SSBP3: variants seen among roughly 807,000 people sequenced by gnomAD.
SSBP3 encodes the protein single stranded DNA binding protein 3.
Under a neutral mutation model 69.6 loss-of-function variants are expected in SSBP3, and 5 were observed. That is an observed-to-expected ratio of 0.07 (90% CI 0.04 to 0.15). SSBP3 has a LOEUF of 0.15. Among genes scored for constraint, SSBP3 ranks in the 10% least tolerant of loss-of-function variants. The pLI, the probability that SSBP3 is intolerant of heterozygous loss-of-function variation, is 1.00. For synonymous variants in SSBP3, 196 were observed against 193.4 expected, an observed-to-expected ratio of 1.01 and a Z score of -0.11; for missense variants, 312 against 534.0, an observed-to-expected ratio of 0.58 and a Z score of 4.10.
At chr1:54,310,519 G>A (rs1000909285) in intron 4 of SSBP3, among the ~76,000 whole-genome samples, 4 of 152,172 alleles carry the variant, frequency 2.6e-5, no homozygotes, top group Non-Finnish European at 5.9e-5. Context: ...AGAGAAGAAA[G>A]TTTTCTACCC....
rs1644966321 is a variant in SSBP3 at position 54,258,714 on chromosome 1, A to T, written c.367-565T>A. Among the ~76,000 whole-genome samples, 3 of 152,148 alleles carry T rather than the reference A, an allele frequency of 2.0e-5. No individual in the cohort carries two copies. Among genetic ancestry groups the T allele is most frequent in the Admixed American group, 2.0e-4 (3 of 15,284 alleles). ...GGGGGCAGGAGGGCCGGGGGCACCGACAGATAAACAACAGAGGCAAGAGGA... is the reference window on the plus strand; with the variant it reads ...GGGGGCAGGAGGGCCGGGGGCACCGTCAGATAAACAACAGAGGCAAGAGGA... On this transcript the variant is annotated intron_variant, in intron 5 of 17. Transcript: ENST00000610401. The surrounding 1 kb of genome is among the most constrained non-coding windows in gnomAD (Gnocchi z 4.5).
intron 4 of SSBP3, among the ~76,000 whole-genome samples, chr1:54,308,381 C>T (rs1645937165): frequency 6.6e-6 from 1 of 151,968 alleles, no homozygotes; most frequent in Non-Finnish European, 1.5e-5. Context: ...GTGGGTGGAT[C>T]ATGAGGTCAG....
At chr1:54,289,776 C>T (rs1253815877) in intron 4 of SSBP3, among the ~76,000 whole-genome samples, 1 of 151,916 alleles carries the variant, frequency 6.6e-6, no homozygotes, top group African/African-American at 2.4e-5. Flanking sequence ...AGAGCAAATC[C>T]CTCTAGGACG....
At chr1:54,369,218 C>A (rs975218828) in intron 4 of SSBP3, among the ~76,000 whole-genome samples, 1 of 124,690 alleles carries the variant, frequency 8.0e-6, no homozygotes, top group Non-Finnish European at 1.6e-5. Flanking sequence ...CCTCTTGAGT[C>A]GGGGGGGGGG....
At chr1:54,305,631 A>C (rs1645885649) in intron 4 of SSBP3, among the ~76,000 whole-genome samples, 1 of 143,180 alleles carries the variant, frequency 7.0e-6, no homozygotes, top group Non-Finnish European at 1.5e-5. Flanking sequence ...AAAAAAAAAA[A>C]AAAGAGAGAG....
chr1:54,289,223 T>A (rs1645560821), intron 4 of SSBP3, among the ~76,000 whole-genome samples: 1 of 152,100 alleles, frequency 6.6e-6, no homozygotes, highest in Non-Finnish European at 1.5e-5. Flanking sequence ...TAGGCTGACC[T>A]TCTAGCTCTG....
intron 4 of SSBP3, among the ~76,000 whole-genome samples, chr1:54,361,504 G>A (rs1041547131): frequency 2.0e-5 from 3 of 152,148 alleles, no homozygotes; most frequent in African/African-American, 7.2e-5. Context: ...TGTGGGATAA[G>A]CAGAGAAACA....
At chr1:54,245,038 C>G (rs991634662) in intron 9 of SSBP3, among the ~76,000 whole-genome samples, 2 of 152,206 alleles carry the variant, frequency 1.3e-5, no homozygotes, top group Non-Finnish European at 2.9e-5. Flanking sequence ...GCACTCACTA[C>G]GCTGGCACTG....
intron 4 of SSBP3, among the ~76,000 whole-genome samples, chr1:54,387,460 A>G (rs927303933): frequency 6.6e-6 from 1 of 152,166 alleles, no homozygotes; most frequent in African/African-American, 2.4e-5. Flanking sequence ...GCCTTCTCGG[A>G]TTATTTTTCT....
At chr1:54,387,904 A>G (rs1648205318) in intron 4 of SSBP3, among the ~76,000 whole-genome samples, 1 of 152,128 alleles carries the variant, frequency 6.6e-6, no homozygotes, top group African/African-American at 2.4e-5. Flanking sequence ...AGCCTTCCCA[A>G]AAGTCCCTCT....
intron 4 of SSBP3, among the ~76,000 whole-genome samples, chr1:54,350,521 G>A (rs537136873): frequency 6.6e-6 from 1 of 152,242 alleles, no homozygotes; most frequent in African/African-American, 2.4e-5. Context: ...AGCCAAGAGA[G>A]ATTTATACGC....
At chr1:54,347,762 T>C (rs1344689894) in intron 4 of SSBP3, among the ~76,000 whole-genome samples, 1 of 152,180 alleles carries the variant, frequency 6.6e-6, no homozygotes, top group Non-Finnish European at 1.5e-5. Context: ...GGCCAAGGAA[T>C]GCCAAGGATT....
chr1:54,358,903 G>A (rs1646909942), intron 4 of SSBP3, among the ~76,000 whole-genome samples: 1 of 152,136 alleles, frequency 6.6e-6, no homozygotes, highest in African/African-American at 2.4e-5. Flanking sequence ...GCCTGGGAAC[G>A]CAGTTAATAC....
chr1:54,252,544 A>G (rs372153696), intron 7 of SSBP3, among the ~76,000 whole-genome samples: 1 of 61,044 alleles, frequency 1.6e-5, no homozygotes. Flanking sequence ...TAGGAGAGGG[A>G]CAGGTGGCCA....
At chr1:54,281,385 G>A (rs908140356) in intron 5 of SSBP3, 53 bp downstream of exon 5, 4 of 1,452,356 alleles carry the variant, frequency 2.8e-6, no homozygotes, top group African/African-American at 2.8e-5. Flanking sequence ...CCTGCCCAGG[G>A]CCTCGGCCTG....
chr1:54,238,982 G>A (rs953969455), intron 14 of SSBP3, 147 bp downstream of exon 14: 3 of 561,604 alleles, frequency 5.3e-6, no homozygotes, highest in African/African-American at 1.9e-5. Flanking sequence ...AGTTGCCCAA[G>A]AGTTAATCAC....
At chr1:54,262,720 C>A (rs999547200) in intron 5 of SSBP3, among the ~76,000 whole-genome samples, 1 of 152,242 alleles carries the variant, frequency 6.6e-6, no homozygotes, top group African/African-American at 2.4e-5. Flanking sequence ...CTGGTACCCC[C>A]ATGAGCCAAC....
At chr1:54,381,490 C>T (rs1243559043) in intron 4 of SSBP3, among the ~76,000 whole-genome samples, 1 of 149,162 alleles carries the variant, frequency 6.7e-6, no homozygotes, top group African/African-American at 2.5e-5. Flanking sequence ...CAATTTTTAA[C>T]ACATTTTTGC....
chr1:54,241,586 A>G (rs941954313), intron 11 of SSBP3, 77 bp from the exon 12 acceptor site: 45 of 1,490,122 alleles, frequency 3.0e-5, no homozygotes, highest in Middle Eastern at 4.5e-4. Flanking sequence ...TGAGGACACG[A>G]CCCACTCTTC....
Sources: gnomAD v4.1 joint callset for allele counts (sites outside exome capture counted in the v4.1 genomes callset) on GRCh38, gnomAD v4.1.1 for gene constraint, Gnocchi (gnomAD v3.1) non-coding constraint, MANE v1.5 for transcripts, NCBI Gene and HGNC (gene_info 2026-07-23, HGNC 2026-07-21) for gene names.